Variants in ZNF534 observed in about 807,000 individuals in gnomAD.
ZNF534 encodes zinc finger protein 534.
Under a neutral mutation model 13.6 loss-of-function variants are expected in ZNF534, and 19 were observed. That is an observed-to-expected ratio of 1.40 (90% confidence interval 0.97 to 2.05). The LOEUF is 2.05. ZNF534 is among the 30% of genes most tolerant of loss of function. The pLI is 0.00. For missense variants in ZNF534, 782 were observed against 796.3 expected (o/e 0.98, Z 0.22); for synonymous variants, 244 against 273.8 (o/e 0.89, Z 1.07).
chr19:52,451,867 CA>C lies in ZNF534; in HGVS notation c.*371del, dbSNP rs1344573521. ...TCATTTGTGAACGGATTTTTTAATCCAGAAATAGAAGAAGTTCAAGCTTTGG... is the reference window on the plus strand; with the variant it reads ...TCATTTGTGAACGGATTTTTTAATCCGAAATAGAAGAAGTTCAAGCTTTGG... On this transcript the variant is annotated 3_prime_UTR_variant, in exon 5 of 5. Transcript: ENST00000301085. 3 of 731,134 alleles carry C rather than the reference CA, an allele frequency of 4.1e-6. No homozygotes were observed. The African/African-American group carries it at 5.3e-5, about 13-fold the overall frequency. 45.3% of individuals were successfully genotyped at this position (731,134 alleles called of 1,614,324 possible).
chr19:52,440,640 G>A lies in ZNF534; in HGVS notation c.*1194G>A, dbSNP rs1322918410. On this transcript the variant is annotated 3_prime_UTR_variant, in exon 5 of 5. Coordinates refer to ENST00000433050, the MANE Select transcript of ZNF534 (RefSeq NM_001143938.3). ...TACTAAAAATAAAAAAAATAGCTGG[G>A]TGTGGTGGTGGGTGTCTGTAATCCC... Among the ~76,000 whole-genome samples the A allele has an allele frequency of 6.6e-6, 1 of 151,320 alleles. No individual in the cohort carries two copies. The highest frequency in any genetic ancestry group is 2.0e-4 in the East Asian group (1 of 5,092).
At chr19:52,431,334 C>T in intron 1 of ZNF534, 74 bp from the exon 2 acceptor site, 10 of 1,143,524 alleles carry the variant, frequency 8.7e-6, no homozygotes, top group Non-Finnish European at 1.3e-5. Flanking sequence ...GAAGTCTTCC[C>T]TTTTTGTGTG....
At chr19:52,432,695 C>G (rs377560686) in intron 2 of ZNF534, among the ~76,000 whole-genome samples, 21,004 of 151,680 alleles carry the variant, frequency 0.14, 1,784 homozygotes, top group African/African-American at 0.25. Context: ...TGCAATGATG[C>G]AATCTCGGCT....
At chr19:52,437,289 C>G (rs981903837) in intron 4 of ZNF534, among the ~76,000 whole-genome samples, 2 of 152,142 alleles carry the variant, frequency 1.3e-5, no homozygotes, top group Non-Finnish European at 1.5e-5. Context: ...ACCTCACTCC[C>G]TTGTGTTTTC....
In ZNF534 at chr19:52,441,265, A is replaced by G. The variant is rs2059171175; in HGVS notation, c.*1819A>G. ...CATGGTGGCTCACACCTATAATCCCAGCCCTTTGGGAGGCCAAGGTGAGAG... is the reference window on the plus strand; with the variant it reads ...CATGGTGGCTCACACCTATAATCCCGGCCCTTTGGGAGGCCAAGGTGAGAG... On this transcript the variant is annotated 3_prime_UTR_variant, in exon 5 of 5. Transcript: ENST00000433050. Among the ~76,000 whole-genome samples, 1 of 152,184 alleles carries G rather than the reference A, an allele frequency of 6.6e-6. No homozygotes were observed. The highest frequency in any genetic ancestry group is 1.5e-5 in the Non-Finnish European group (1 of 68,024).
intron 4 of ZNF534, among the ~76,000 whole-genome samples, chr19:52,437,531 C>A (rs1044791883): frequency 4.6e-5 from 7 of 152,122 alleles, no homozygotes; most frequent in Non-Finnish European, 1.0e-4. Flanking sequence ...ATTGCTTAAA[C>A]CCAGGAGGCA....
intron 2 of ZNF534, among the ~76,000 whole-genome samples, chr19:52,433,376 G>T (rs545899424): frequency 9.9e-5 from 15 of 150,806 alleles, no homozygotes; most frequent in African/African-American, 3.4e-4. Flanking sequence ...CTCTTTTTGG[G>T]GGGGGGAGGG....
At position 52,431,445 on chromosome 19, in the gene ZNF534, A is replaced by C; in HGVS notation, c.-30A>C. On this transcript the variant is annotated 5_prime_UTR_variant, in exon 2 of 5. Coordinates refer to ENST00000433050, the MANE Select transcript of ZNF534 (RefSeq NM_001143938.3). ...AAGAGACATATTATGCAAGGAAGCA[A>C]CTCGGAAGAGGAAAGAAAGGAAGTC... The C allele has an allele frequency of 6.2e-7, 1 of 1,614,002 alleles. No individual in the cohort carries two copies. The highest frequency in any genetic ancestry group is 8.5e-7 in the Non-Finnish European group (1 of 1,179,892).
chr19:52,450,048 G>A (rs1849219790), intron 4 of ZNF534, among the ~76,000 whole-genome samples: 2 of 152,134 alleles, frequency 1.3e-5, no homozygotes, highest in Non-Finnish European at 2.9e-5. Flanking sequence ...CGTGATGTTT[G>A]AGTTTCTTAT....
chr19:52,437,660 A>C lies in ZNF534; in HGVS notation c.272-72A>C, dbSNP rs540948568. ...TCAATGTCTGAGTGAAGTGATGCAG[A>C]ATCTTGTTTTCTGTCAGACTTTAAA... On this transcript the variant is annotated intron_variant, in intron 4 of 4. Transcript: ENST00000433050. 4 of 1,388,652 alleles carry C rather than the reference A, an allele frequency of 2.9e-6. No individual in the cohort carries two copies. The South Asian group carries it at 6.1e-5, about 21-fold the overall frequency. The allele number at this position is 1,388,652 out of a possible 1,614,324, so 86.0% of individuals were successfully genotyped here. A position where few individuals can be genotyped will look rare whatever the true frequency, so the allele number is the denominator to read the frequency against.
chr19:52,436,227 C>T (rs116827073), intron 4 of ZNF534, among the ~76,000 whole-genome samples: 1,736 of 152,136 alleles, frequency 0.011, 34 homozygotes, highest in African/African-American at 0.04. Context: ...CATGAGTCAC[C>T]GTGCCCGGCC....
Position 52,439,269 on chromosome 19 carries a change from G to A in ZNF534, c.1809G>A (p.Glu603=). The change falls in exon 5 of 5, where the codon GAG becomes GAA. Residue 603 remains glutamate (E), a synonymous_variant. Transcript: ENST00000433050. ...GACATAGGAAAATTCATACTGGAGA[G>A]AAGCTTTACAAATGTAATGAATGTA... ...LARHRKIHTG[E]KLYKCNECSK... 1 of 1,568,206 alleles carries A rather than the reference G, an allele frequency of 6.4e-7. No individual in the cohort carries two copies. Among genetic ancestry groups the A allele is most frequent in the Non-Finnish European group, 8.6e-7 (1 of 1,156,222 alleles).
downstream of ZNF534, among the ~76,000 whole-genome samples, chr19:52,446,810 A>T (rs1260249019): frequency 6.6e-6 from 1 of 152,130 alleles, no homozygotes; most frequent in Non-Finnish European, 1.5e-5. Flanking sequence ...GTGAGCTATG[A>T]TTGCACCATT....
downstream of ZNF534, among the ~76,000 whole-genome samples, chr19:52,443,677 G>C (rs928975753): frequency 2.6e-5 from 4 of 152,024 alleles, no homozygotes; most frequent in African/African-American, 9.7e-5. Flanking sequence ...TTGAACCTGG[G>C]AGGCAGAGGT....
chr19:52,433,497 G>C (rs149982938), intron 2 of ZNF534, among the ~76,000 whole-genome samples: 6 of 152,102 alleles, frequency 3.9e-5, no homozygotes, highest in African/African-American at 1.4e-4. Flanking sequence ...CTCCTGAGTA[G>C]CTGGGACTAC....
Position 52,439,039 on chromosome 19 carries a change from T to A in ZNF534, c.1579T>A (p.Cys527Ser), listed in dbSNP as rs760110929. 2 of 1,598,916 alleles carry A rather than the reference T, an allele frequency of 1.3e-6. No homozygotes were observed. The highest frequency in any genetic ancestry group is 2.2e-5 in the South Asian group (2 of 89,596). The change falls in exon 5 of 5, where the codon TGT becomes AGT. Residue 527 changes from cysteine to serine, a missense_variant. Physicochemically the swap from Cys to Ser is moderately radical, Grantham distance 112 (BLOSUM62 -1). Transcript: ENST00000433050. ...AGAGAAGCCTTACAGTTGTAATGAATGTGGCAAGGTCTTCCGTCGGAATTC... is the reference window on the plus strand; with the variant it reads ...AGAGAAGCCTTACAGTTGTAATGAAAGTGGCAAGGTCTTCCGTCGGAATTC... ...TGEKPYSCNE[C>S]GKVFRRNSHL...
Position 52,447,605 on chromosome 19 carries a change from T to G in ZNF534, c.272-3582T>G, listed in dbSNP as rs140461516. 8.2e-3 allele frequency among the ~76,000 whole-genome samples: 1,245 copies of G among 151,888 alleles called. 22 individuals carry two copies. Among genetic ancestry groups the G allele is most frequent in the African/African-American group, 0.029 (1,188 of 41,176 alleles). On this transcript the variant is annotated intron_variant, in intron 4 of 4. Transcript: ENST00000301085. ...AGACAAGTGTTGAATTTTGTTGTGT[T>G]TTTTTCTGCCTCTATTGATAGAGTC...
In ZNF534 at chr19:52,438,677, G is replaced by T. The variant is rs750102210; in HGVS notation, c.1217G>T (p.Gly406Val). The T allele has an allele frequency of 1.3e-6, 2 of 1,580,328 alleles. No homozygotes were observed. Among genetic ancestry groups the T allele is most frequent in the Admixed American group, 1.9e-5 (1 of 54,048 alleles). ...RLARHRKIHT[G>V]GRRYKCNECG... is the part of the protein sequence containing the mutation. ...GCACGACATAGGAAAATTCATACTG[G>T]GGGGAGGCGTTACAAATGTAATGAA... The change falls in exon 5 of 5, where the codon GGG (glycine) becomes GTG (valine). Residue 406 changes from glycine (G) to valine (V), a missense_variant. Gly to Val is a moderately radical substitution (Grantham distance 109, BLOSUM62 -3). Coordinates refer to ENST00000433050, the MANE Select transcript of ZNF534 (RefSeq NM_001143938.3).
At chr19:52,435,982 G>T (rs1231654133) in intron 4 of ZNF534, among the ~76,000 whole-genome samples, 1 of 144,070 alleles carries the variant, frequency 6.9e-6, no homozygotes, top group Non-Finnish European at 1.5e-5. Context: ...TGTCACCCAG[G>T]CTGGAGTACA....
Sources: allele counts gnomAD v4.1 joint callset (sites outside exome capture counted in the v4.1 genomes callset), GRCh38; gene constraint gnomAD v4.1.1; transcripts MANE v1.5; gene names NCBI Gene and HGNC (gene_info 2026-07-23, HGNC 2026-07-21).